CDC14A: variants seen among roughly 807,000 people sequenced by gnomAD.
CDC14A encodes the protein cell division cycle 14A.
CDC14A carries 53 observed loss-of-function variants against 74.4 expected under a neutral mutation model. That is an observed-to-expected ratio of 0.71 (90% CI 0.57 to 0.89). The LOEUF (loss-of-function observed/expected upper bound fraction) is 0.89, where lower values mean the gene tolerates loss of function less well. Ranked by LOEUF, CDC14A falls within the 40% of genes least tolerant of loss-of-function variation. The pLI is 0.00. For missense variants in CDC14A, 646 were observed against 713.7 expected, an observed-to-expected ratio of 0.91 and a Z score of 1.08; for synonymous variants, 247 against 258.4, an observed-to-expected ratio of 0.96 and a Z score of 0.43.
At chr1:100,391,697 G>A (rs1657725678) in intron 4 of CDC14A, among the ~76,000 whole-genome samples, 1 of 152,188 alleles carries the variant, frequency 6.6e-6, no homozygotes, top group South Asian at 2.1e-4. Flanking sequence ...AGGGAAGAGG[G>A]CACCAGCTAC....
intron 6 of CDC14A, among the ~76,000 whole-genome samples, chr1:100,441,763 A>C (rs1348524432): frequency 2.0e-5 from 3 of 152,082 alleles, no homozygotes; most frequent in African/African-American, 7.2e-5. Flanking sequence ...TCACCTGGGA[A>C]GCTATGCTGA....
chr1:100,403,322 C>T (rs1659519210), intron 4 of CDC14A, among the ~76,000 whole-genome samples: 1 of 152,046 alleles, frequency 6.6e-6, no homozygotes, highest in South Asian at 2.1e-4. Context: ...ATGTCTTTAC[C>T]CATCAAATTG....
chr1:100,350,537 G>A (rs377192480), upstream of CDC14A, among the ~76,000 whole-genome samples: 1 of 152,310 alleles, frequency 6.6e-6, no homozygotes, highest in East Asian at 1.9e-4. Context: ...ACAATTTTAA[G>A]CAGGAGAGTT....
intron 4 of CDC14A, among the ~76,000 whole-genome samples, chr1:100,398,177 G>A (rs991323521): frequency 1.4e-4 from 21 of 152,204 alleles, no homozygotes; most frequent in African/African-American, 4.3e-4. Context: ...AGGTGTCATC[G>A]GTGCAGTGTC....
chr1:100,409,710 T>G (rs967603011), intron 4 of CDC14A, among the ~76,000 whole-genome samples: 1 of 152,204 alleles, frequency 6.6e-6, no homozygotes, highest in African/African-American at 2.4e-5. Context: ...TGCCCTTGAC[T>G]CCTGTCACCA....
chr1:100,505,233 G>T (rs1311924049), intron 15 of CDC14A, among the ~76,000 whole-genome samples: 3 of 152,220 alleles, frequency 2.0e-5, no homozygotes, highest in African/African-American at 7.2e-5. Context: ...GATAGTTGAA[G>T]TTGGCTTAAA....
At chr1:100,353,917 A>G (rs1650404928) in intron 2 of CDC14A, 65 bp downstream of exon 2, 4 of 838,308 alleles carry the variant, frequency 4.8e-6, no homozygotes, top group Non-Finnish European at 5.9e-6. Context: ...AGGAAACACT[A>G]TGCACTTTTA....
At chr1:100,498,863 C>T (rs571151947) in intron 14 of CDC14A, 66 bp from the exon 15 acceptor site, 61 of 1,533,122 alleles carry the variant, frequency 4.0e-5, no homozygotes, top group South Asian at 3.7e-4. Flanking sequence ...GTTTTAGAAA[C>T]GTGAGCTCTG....
intron 5 of CDC14A, among the ~76,000 whole-genome samples, chr1:100,429,619 T>C (rs1663393476): frequency 6.6e-6 from 1 of 151,292 alleles, no homozygotes; most frequent in Non-Finnish European, 1.5e-5. Context: ...TTTGAAAAAC[T>C]GCATATATGA....
chr1:100,351,675 A>T (rs991254362), upstream of CDC14A: 11 of 1,416,412 alleles, frequency 7.8e-6, no homozygotes, highest in East Asian at 2.5e-5. Context: ...CCCCTCCGGG[A>T]CCGGAGCACT....
At chr1:100,473,703 G>T (rs1284533660) in intron 10 of CDC14A, among the ~76,000 whole-genome samples, 1 of 152,042 alleles carries the variant, frequency 6.6e-6, no homozygotes, top group African/African-American at 2.4e-5. Context: ...TGATTTTTCT[G>T]TTTATTTTGT....
intron 7 of CDC14A, among the ~76,000 whole-genome samples, chr1:100,454,852 A>G (rs1666522729): frequency 6.6e-6 from 1 of 152,120 alleles, no homozygotes; most frequent in African/African-American, 2.4e-5. Flanking sequence ...TCCAGAGTAC[A>G]GCTTGGCTGA....
intron 4 of CDC14A, among the ~76,000 whole-genome samples, chr1:100,421,858 C>A (rs1346875611): frequency 1.3e-5 from 2 of 152,182 alleles, no homozygotes; most frequent in Non-Finnish European, 2.9e-5. Flanking sequence ...TCCTCTCTCT[C>A]TTTTTAATAA....
At chr1:100,425,083 G>A (rs772738780) in intron 5 of CDC14A, among the ~76,000 whole-genome samples, 8 of 152,102 alleles carry the variant, frequency 5.3e-5, no homozygotes, top group Non-Finnish European at 7.4e-5. Flanking sequence ...TGGGAGGATC[G>A]CTTGAGCCTG....
intron 1 of CDC14A, chr1:100,345,271 G>A (rs1406167041): frequency 1.3e-5 from 2 of 152,246 alleles, no homozygotes; most frequent in East Asian, 3.9e-4. Flanking sequence ...TTTGAGACTT[G>A]TGAAAATTAG....
chr1:100,483,826 A>G (rs1669744473), intron 10 of CDC14A, among the ~76,000 whole-genome samples: 1 of 152,180 alleles, frequency 6.6e-6, no homozygotes, highest in South Asian at 2.1e-4. Context: ...CTTTCATGGT[A>G]CCACCCAAAA....
intron 3 of CDC14A, among the ~76,000 whole-genome samples, chr1:100,382,413 G>GTTTTTTTTTTT (rs1557699718): frequency 4.2e-5 from 5 of 119,436 alleles, no homozygotes; most frequent in Non-Finnish European, 3.3e-5. Context: ...TTTTTTTTTA[G>GTTTTTTTTTTT]TTTTTGTAGA....
At chr1:100,364,725 G>A (rs1380921580) in intron 2 of CDC14A, among the ~76,000 whole-genome samples, 1 of 152,204 alleles carries the variant, frequency 6.6e-6, no homozygotes, top group Non-Finnish European at 1.5e-5. Context: ...GAATATTTCT[G>A]TGGGAGTGAA....
intron 11 of CDC14A, among the ~76,000 whole-genome samples, chr1:100,488,450 A>G (rs1670271490): frequency 1.3e-5 from 2 of 152,278 alleles, no homozygotes; most frequent in South Asian, 4.1e-4. Flanking sequence ...GCCTCTCACT[A>G]TACTCTGCTA....
Sources: gnomAD v4.1 joint callset for allele counts (sites outside exome capture counted in the v4.1 genomes callset) on GRCh38, gnomAD v4.1.1 for gene constraint, MANE v1.5 for transcripts, NCBI Gene and HGNC (gene_info 2026-07-23, HGNC 2026-07-21) for gene names.